The following GRAMD1B variants were observed in gnomAD, a reference collection of about 807,000 sequenced individuals.
GRAMD1B encodes the protein GRAM domain containing 1B, also known as protein Aster-B.
In GRAMD1B, 37 loss-of-function variants were observed where a neutral mutation model predicts 99.7. That is an observed-to-expected ratio of 0.37 (90% CI 0.29 to 0.49). The LOEUF (loss-of-function observed/expected upper bound fraction) is 0.49. Among genes scored for constraint, GRAMD1B ranks in the 20% least tolerant of loss-of-function variants. GRAMD1B has a pLI of 0.98. For synonymous variants in GRAMD1B, 427 were observed against 387.6 expected (o/e 1.10, Z -1.19); for missense variants, 888 against 1,009.2 (o/e 0.88, Z 1.63).
chr11:123,613,474 G>T lies in GRAMD1B; in HGVS notation c.2043G>T (p.Thr681=). 6.2e-7 allele frequency: 1 copy of T among 1,611,292 alleles called. No homozygotes were observed. The highest frequency in any genetic ancestry group is 8.5e-7 in the Non-Finnish European group (1 of 1,178,780). Residue 681 remains threonine, a synonymous_variant, in exon 16 of 20, where the codon ACG becomes ACT. Coordinates refer to ENST00000635736, the MANE Select transcript of GRAMD1B (RefSeq NM_001387025.1). ...TGATAGAGAGCGAGCTGGCCAAAAC[G>T]GAGAGCACTTATTTGGCTGAGATGC... ...FRHLESELAK[T]ESTYLAEMHR... is the part of the protein sequence containing the mutation.
intron 2 of GRAMD1B, among the ~76,000 whole-genome samples, chr11:123,544,767 C>A (rs532735455): frequency 6.6e-6 from 1 of 152,226 alleles, no homozygotes; most frequent in Non-Finnish European, 1.5e-5. Context: ...CCACCAGGGC[C>A]CCCGGGCCCC....
At chr11:123,436,671 G>C (rs147051738) in intron 1 of GRAMD1B, among the ~76,000 whole-genome samples, 1 of 152,194 alleles carries the variant, frequency 6.6e-6, no homozygotes, top group African/African-American at 2.4e-5. Flanking sequence ...GCGTGGGGAG[G>C]TGAAGGCCTG....
At chr11:123,498,632 C>A (rs1265918044) in intron 2 of GRAMD1B, among the ~76,000 whole-genome samples, 5 of 152,174 alleles carry the variant, frequency 3.3e-5, no homozygotes, top group Non-Finnish European at 1.5e-5. Flanking sequence ...TGTGTCCTAT[C>A]TAATATTTTA....
intron 6 of GRAMD1B, 145 bp downstream of exon 6, chr11:123,594,983 C>T: frequency 3.2e-6 from 2 of 629,634 alleles, no homozygotes; most frequent in Non-Finnish European, 5.8e-6. Flanking sequence ...GAAAGATATT[C>T]AATTCTAAGT....
At chr11:123,554,343 G>GGTCCCATAAGACAGAAA (rs1945925309) in intron 2 of GRAMD1B, among the ~76,000 whole-genome samples, 1 of 151,932 alleles carries the variant, frequency 6.6e-6, no homozygotes, top group African/African-American at 2.4e-5. Flanking sequence ...TATCAGTGAG[G>GGTCCCATAAGACAGAAA]GTCCCATAAG....
At chr11:123,407,078 G>T (rs1947879970) in intron 1 of GRAMD1B, among the ~76,000 whole-genome samples, 1 of 152,288 alleles carries the variant, frequency 6.6e-6, no homozygotes, top group Non-Finnish European at 1.5e-5. Flanking sequence ...AATGGTTATT[G>T]TTTTTTCAAT....
In GRAMD1B at chr11:123,577,449, C is replaced by G. The variant is rs1004505378; in HGVS notation, c.535C>G (p.Gln179Glu). Residue 179 changes from glutamine to glutamate, a missense_variant, in exon 3 of 20, where the codon CAG becomes GAG. By Grantham distance (29) the Gln-to-Glu change is conservative. Around this residue, in one of 5 missense-constraint regions of GRAMD1B, gnomAD observed 233 missense variants for 154.6 expected, o/e 1.51. Coordinates refer to ENST00000635736, the MANE Select transcript of GRAMD1B (RefSeq NM_001387025.1). ...GTCTCGCTCGCCAACCCCGCAGAAC[C>G]AGGACGGAGACACCATGGTGGAGAA... is the stretch of plus-strand genomic sequence containing the variant. ...KRSRSPTPQNQDGDTMVEKGS... is the reference protein window; with the variant it reads ...KRSRSPTPQNEDGDTMVEKGS... 2 of 1,604,062 alleles carry G rather than the reference C, an allele frequency of 1.2e-6. No individual in the cohort carries two copies. The highest frequency in any genetic ancestry group is 1.7e-4 in the Middle Eastern group (1 of 6,054).
At chr11:123,442,452 C>T (rs1949452603) in intron 1 of GRAMD1B, among the ~76,000 whole-genome samples, 1 of 152,076 alleles carries the variant, frequency 6.6e-6, no homozygotes, top group Non-Finnish European at 1.5e-5. Flanking sequence ...GTACACAATG[C>T]AAAGTGAAAG....
chr11:123,397,025 T>C (rs1232711875), intron 1 of GRAMD1B, among the ~76,000 whole-genome samples: 1 of 152,210 alleles, frequency 6.6e-6, no homozygotes, highest in Non-Finnish European at 1.5e-5. Flanking sequence ...TTGACAAATG[T>C]ATACATTTTA....
chr11:123,393,549 G>C (rs1179407054), intron 1 of GRAMD1B, among the ~76,000 whole-genome samples: 3 of 152,164 alleles, frequency 2.0e-5, no homozygotes, highest in Non-Finnish European at 4.4e-5. Context: ...AATGCATGCT[G>C]GCAATGATAG....
At chr11:123,586,046 T>C (rs1950036292) in intron 4 of GRAMD1B, among the ~76,000 whole-genome samples, 1 of 152,214 alleles carries the variant, frequency 6.6e-6, no homozygotes, top group African/African-American at 2.4e-5. Context: ...TGTCTGATTC[T>C]AACAGGCTTT....
intron 2 of GRAMD1B, among the ~76,000 whole-genome samples, chr11:123,563,912 G>A (rs11219200): frequency 0.015 from 2,332 of 152,278 alleles, 64 homozygotes; most frequent in African/African-American, 0.054. Flanking sequence ...CAGCGGGACC[G>A]ACCTCTTACA....
intron 2 of GRAMD1B, among the ~76,000 whole-genome samples, chr11:123,539,855 C>T (rs138966301): frequency 3.9e-5 from 6 of 152,288 alleles, no homozygotes; most frequent in Non-Finnish European, 8.8e-5. Context: ...TTTCTGCCTA[C>T]GGAAATCCCA....
rs1591810396 is a variant in GRAMD1B at position 123,523,738 on chromosome 11, A to G, written c.452+42845A>G. On this transcript the variant is annotated intron_variant, in intron 2 of 19. Coordinates refer to ENST00000635736, the MANE Select transcript of GRAMD1B (RefSeq NM_001387025.1). ...GACATTTGCCTCGGGGCTGGATCACATGACCTGGTATTTCCATTGAGTGAA... is the reference window on the plus strand; with the variant it reads ...GACATTTGCCTCGGGGCTGGATCACGTGACCTGGTATTTCCATTGAGTGAA... 3.9e-5 allele frequency among the ~76,000 whole-genome samples: 6 copies of G among 152,352 alleles called. No homozygotes were observed. In the East Asian group the frequency reaches 1.2e-3, roughly 29 times the overall value.
At chr11:123,379,434 T>C (rs1946798916) in intron 1 of GRAMD1B, among the ~76,000 whole-genome samples, 1 of 152,222 alleles carries the variant, frequency 6.6e-6, no homozygotes, top group African/African-American at 2.4e-5. Context: ...TTCTATCTTC[T>C]AGCTTTAATT....
intron 1 of GRAMD1B, among the ~76,000 whole-genome samples, chr11:123,425,015 C>G (rs993784676): frequency 6.6e-6 from 1 of 152,196 alleles, no homozygotes; most frequent in African/African-American, 2.4e-5. Flanking sequence ...ATTTATGGAG[C>G]ACTTACTGTG....
At chr11:123,474,038 G>A (rs1053461724) in intron 1 of GRAMD1B, among the ~76,000 whole-genome samples, 1 of 152,118 alleles carries the variant, frequency 6.6e-6, no homozygotes, top group South Asian at 2.1e-4. Context: ...TCTGTCAGTG[G>A]TGGTGAGGCC....
Position 123,619,197 on chromosome 11 carries a change from C to A in GRAMD1B, c.2517C>A (p.Ile839=). The A allele has an allele frequency of 6.4e-7, 1 of 1,564,174 alleles. No individual in the cohort carries two copies. The highest frequency in any genetic ancestry group is 1.2e-5 in the South Asian group (1 of 84,582). The change falls in exon 19 of 20, where the codon ATC becomes ATA. Residue 839 remains isoleucine (I), a synonymous_variant. Transcript: ENST00000635736. ...DTELQKWREI[I]KSSVMLLDQM... ...AGCTCCAAAAATGGAGGGAAATCAT[C>A]AAATCCTCAGTGATGCTCCTTGACC... is the stretch of plus-strand genomic sequence containing the variant.
chr11:123,560,206 C>T (rs1019461117), intron 2 of GRAMD1B: 2 of 1,022,468 alleles, frequency 2.0e-6, no homozygotes, highest in Non-Finnish European at 1.2e-6. Flanking sequence ...TGCGTGTCTG[C>T]GCGCAAGAGG....
Sources: gnomAD v4.1 joint callset for allele counts (sites outside exome capture counted in the v4.1 genomes callset) on GRCh38, gnomAD v4.1.1 for gene constraint, gnomAD v4.1.1 regional missense constraint, MANE v1.5 for transcripts, NCBI Gene and HGNC (gene_info 2026-07-23, HGNC 2026-07-21) for gene names.